Variants in SARAF observed in about 807,000 individuals in gnomAD.
The protein encoded by SARAF is store-operated calcium entry-associated regulatory factor.
Under a neutral mutation model 39.7 loss-of-function variants are expected in SARAF, and 23 were observed. That is an observed-to-expected ratio of 0.58 (90% confidence interval 0.42 to 0.82). SARAF has a LOEUF of 0.82. Ranked by LOEUF, SARAF falls within the 40% of genes least tolerant of loss-of-function variation. The pLI, the probability that SARAF is intolerant of heterozygous loss-of-function variation, is 0.00. For missense variants in SARAF, 384 were observed against 418.5 expected, an observed-to-expected ratio of 0.92 and a Z score of 0.72; for synonymous variants, 175 against 168.5, an observed-to-expected ratio of 1.04 and a Z score of -0.30.
chr8:30,064,559 A>ATTTTTTTTTTTTT (rs1240248914), intron 5 of SARAF, among the ~76,000 whole-genome samples: 10 of 50,016 alleles, frequency 2.0e-4, no homozygotes, highest in East Asian at 9.5e-4. Context: ...ATATATATAT[A>ATTTTTTTTTTTTT]TATTTTTTTT....
At chr8:30,064,553 A>ATTTTTTTTTT (rs1213352789) in intron 5 of SARAF, among the ~76,000 whole-genome samples, 7 of 47,668 alleles carry the variant, frequency 1.5e-4, no homozygotes, top group East Asian at 1.7e-3. Context: ...ATATATATAT[A>ATTTTTTTTTT]TATATATATT....
chr8:30,070,807 AT>A (rs1311341206), intron 2 of SARAF, among the ~76,000 whole-genome samples: 6 of 152,196 alleles, frequency 3.9e-5, no homozygotes, highest in African/African-American at 1.4e-4. Flanking sequence ...AGCAACAGAG[AT>A]ATTACATAAC....
rs560428515 is a variant in SARAF, at chr8:30,063,194, A to C, written c.*694T>G. 6.6e-6 allele frequency: 1 copy of C among 152,240 alleles called. No homozygotes were observed. The highest frequency in any genetic ancestry group is 1.5e-5 in the Non-Finnish European group (1 of 68,038). The allele number at this position is 152,240 out of a possible 1,614,324, so 9.4% of individuals were successfully genotyped here. ...AGAACTGCATGCTTTTGTTATTAAA[A>C]GACTTTTGTTGAAAAATTTGACCTT... On this transcript the variant is annotated 3_prime_UTR_variant, in exon 6 of 6. Coordinates refer to ENST00000256255, the MANE Select transcript of SARAF (RefSeq NM_016127.6).
rs1411225046 is a variant in SARAF at position 30,067,626 on chromosome 8, TA to T, written c.701-709del. Among the ~76,000 whole-genome samples, 10 of 152,328 alleles carry T rather than the reference TA, an allele frequency of 6.6e-5. No homozygotes were observed. In the East Asian group the frequency reaches 1.9e-3, roughly 29 times the overall value. On this transcript the variant is annotated intron_variant, in intron 3 of 5. Transcript: ENST00000256255. ...ATTCTGTCCATTCATGAACTTTTTC[TA>T]AACAGGATCACAAAGTATGTATTCT...
At chr8:30,067,114 A>C (rs1423563740) in intron 3 of SARAF, 196 bp from the exon 4 acceptor site, 11 of 594,928 alleles carry the variant, frequency 1.8e-5, no homozygotes, top group Non-Finnish European at 2.9e-5. Flanking sequence ...TTTCCCATAG[A>C]TATGGGAGGA....
At chr8:30,071,427 T>G (rs1306952325) in intron 2 of SARAF, among the ~76,000 whole-genome samples, 1 of 152,226 alleles carries the variant, frequency 6.6e-6, no homozygotes, top group Non-Finnish European at 1.5e-5. Context: ...TTGTACAAAT[T>G]ATTTTCCTCT....
intron 3 of SARAF, 62 bp from the exon 4 acceptor site, chr8:30,066,980 G>C: frequency 1.3e-6 from 2 of 1,484,454 alleles, no homozygotes; most frequent in South Asian, 2.3e-5. Context: ...CAAAAGCAAA[G>C]ATAATGTAAC....
rs779617664 is a variant in SARAF, at chr8:30,069,626, T to C, written c.700+16A>G. 6.5e-7 allele frequency: 1 copy of C among 1,544,164 alleles called. No individual in the cohort carries two copies. ...TCACACCCGCTCTATTTATGGCCAC[T>C]GCGAGGGAAACATACCTGTGAACTC... On this transcript the variant is annotated intron_variant, in intron 3 of 5. Transcript: ENST00000256255.
chr8:30,072,891 T>C (rs555560354), intron 2 of SARAF, among the ~76,000 whole-genome samples: 3 of 152,250 alleles, frequency 2.0e-5, no homozygotes, highest in African/African-American at 7.2e-5. Flanking sequence ...TTACCTCTTC[T>C]ACTAGTAAGA....
intron 3 of SARAF, 35 bp downstream of exon 3, chr8:30,069,607 C>T (rs770877282): frequency 6.5e-7 from 1 of 1,531,680 alleles, no homozygotes; most frequent in Non-Finnish European, 8.9e-7. Context: ...AACCTCACAC[C>T]CGCTCTATTT....
intron 3 of SARAF, among the ~76,000 whole-genome samples, chr8:30,068,635 G>A (rs1368149990): frequency 9.0e-6 from 1 of 111,582 alleles, no homozygotes; most frequent in Non-Finnish European, 1.7e-5. Flanking sequence ...GTGCCAAAAA[G>A]GCTGGGGACT....
intron 1 of SARAF, chr8:30,078,388 C>A: frequency 3.6e-6 from 1 of 280,456 alleles, no homozygotes; most frequent in South Asian, 3.0e-5. Context: ...AAACAGACCA[C>A]ACAAAGGCAC....
rs1270176621 is a variant in SARAF at position 30,069,912 on chromosome 8, G to T, written c.430C>A (p.Gln144Lys). The T allele has an allele frequency of 1.2e-6, 2 of 1,613,954 alleles. No individual in the cohort carries two copies. Among genetic ancestry groups the T allele is most frequent in the East Asian group, 2.2e-5 (1 of 44,896 alleles). The change falls in exon 3 of 6, where the codon CAG (glutamine) becomes AAG (lysine). Residue 144 changes from glutamine to lysine, a missense_variant. Coordinates refer to ENST00000256255, the MANE Select transcript of SARAF (RefSeq NM_016127.6). ...YNLDYTELGL[Q>K]KLKESGKQHG... ...TGCTTTCCAGACTCCTTCAGTTTCTGCAGGCCAAGTTCTGTATAATCTAAA... is the reference window on the plus strand; with the variant it reads ...TGCTTTCCAGACTCCTTCAGTTTCTTCAGGCCAAGTTCTGTATAATCTAAA...
intron 5 of SARAF, among the ~76,000 whole-genome samples, chr8:30,064,561 A>ATATATATATATATATATTTTTTTTTTT (rs1423689069): frequency 2.2e-5 from 1 of 46,224 alleles, no homozygotes; most frequent in African/African-American, 1.1e-4. Flanking sequence ...ATATATATAT[A>ATATATATATATATATATTTTTTTTTTT]TTTTTTTTTT....
Position 30,082,911 on chromosome 8 carries a change from G to C in SARAF, c.39C>G (p.Cys13Trp). ...GAAACAAATGCAAGCCGAGGAGCAA[G>C]CAGTACCCGGCCGCTCCCGGCCCGC... ...AACGPGAAGYCLLLGLHLFLL... is the reference protein window; with the variant it reads ...AACGPGAAGYWLLLGLHLFLL... Residue 13 changes from cysteine (C) to tryptophan (W), a missense_variant, in exon 1 of 6, where the codon TGC (cysteine) becomes TGG (tryptophan). Coordinates refer to ENST00000256255, the MANE Select transcript of SARAF (RefSeq NM_016127.6). 1 of 1,556,512 alleles carries C rather than the reference G, an allele frequency of 6.4e-7. No homozygotes were observed.
intron 1 of SARAF, among the ~76,000 whole-genome samples, chr8:30,081,255 T>G (rs998250822): frequency 3.3e-5 from 5 of 152,234 alleles, no homozygotes; most frequent in African/African-American, 9.6e-5. Context: ...GAACAATAGT[T>G]TTACAGCGTA....
rs1319036441 is a variant in SARAF, at chr8:30,064,547, A to ATTTTTTTTTTTTTTTTTTTTTTTTT, written c.995-635_995-634insAAAAAAAAAAAAAAAAAAAAAAAAA. On this transcript the variant is annotated intron_variant, in intron 5 of 5. Coordinates refer to ENST00000256255, the MANE Select transcript of SARAF (RefSeq NM_016127.6). ...GTCTTACCTAGCCATATATATATAT[A>ATTTTTTTTTTTTTTTTTTTTTTTTT]TATATATATATATATTTTTTTTTTT... Among the ~76,000 whole-genome samples the ATTTTTTTTTTTTTTTTTTTTTTTTT allele has an allele frequency of 8.1e-5, 3 of 37,012 alleles. 1 individual carries two copies. 24.3% of individuals were successfully genotyped at this position (37,012 alleles called of 152,430 possible). A position where few individuals can be genotyped will look rare whatever the true frequency, so the allele number is the denominator to read the frequency against.
At chr8:30,067,202 AC>A in intron 3 of SARAF, 2 of 340,980 alleles carry the variant, frequency 5.9e-6, no homozygotes, top group Non-Finnish European at 1.1e-5. Context: ...CTAGAAAATC[AC>A]CCCACTTTTC....
intron 5 of SARAF, chr8:30,065,747 A>G (rs1438838467): frequency 4.2e-6 from 2 of 475,528 alleles, no homozygotes; most frequent in African/African-American, 3.9e-5. Context: ...TGGGGAAGCT[A>G]GCACCCAGTA....
Sources: gnomAD v4.1 joint callset for allele counts (sites outside exome capture counted in the v4.1 genomes callset) on GRCh38, gnomAD v4.1.1 for gene constraint, MANE v1.5 for transcripts, NCBI Gene and HGNC (gene_info 2026-07-23, HGNC 2026-07-21) for gene names.